LTN1: variants seen among roughly 807,000 people sequenced by gnomAD.
LTN1 encodes listerin E3 ubiquitin protein ligase 1.
LTN1 carries 88 observed loss-of-function variants against 201.2 expected under a neutral mutation model. That is an observed-to-expected ratio of 0.44 (90% CI 0.37 to 0.52). The LOEUF is 0.52. Ranked by LOEUF, LTN1 falls within the 20% of genes least tolerant of loss-of-function variation. The pLI is 0.00. For synonymous variants in LTN1, 645 were observed against 713.5 expected (o/e 0.90, Z 1.53); for missense variants, 1,752 against 2,038.7 (o/e 0.86, Z 2.71).
In LTN1 at chr21:28,945,835, A is replaced by G; in HGVS notation, c.3740T>C (p.Ile1247Thr). ...SPLAESEWDF[I>T]MCSMLAWLET... ...CAACCAAGCCAACATGGAGCACATG[A>G]TGAAGTCCCACTCACTCTCTGCCAA... Residue 1247 changes from isoleucine to threonine, a missense_variant, in exon 21 of 30, where the codon ATC becomes ACC. This residue lies in a region of LTN1 where 1,211 missense variants were observed against 1,312.8 expected (regional missense o/e 0.92). Transcript: ENST00000361371. 2 of 1,613,746 alleles carry G rather than the reference A, an allele frequency of 1.2e-6. No individual in the cohort carries two copies. Among genetic ancestry groups the G allele is most frequent in the Non-Finnish European group, 1.7e-6 (2 of 1,179,780 alleles).
chr21:28,965,785 T>C (rs2084516264), intron 11 of LTN1, 80 bp downstream of exon 11: 18 of 767,904 alleles, frequency 2.3e-5, no homozygotes, highest in Non-Finnish European at 3.8e-5. Context: ...ACCATATTTA[T>C]TGTGTAAATA....
intron 13 of LTN1, 129 bp downstream of exon 13, chr21:28,959,329 C>A: frequency 2.8e-6 from 3 of 1,059,634 alleles, no homozygotes; most frequent in Non-Finnish European, 4.1e-6. Context: ...AAGACTGTAG[C>A]CCTTTACTCA....
At chr21:28,941,666 C>G (rs1036356078) in intron 24 of LTN1, among the ~76,000 whole-genome samples, 1 of 152,100 alleles carries the variant, frequency 6.6e-6, no homozygotes, top group African/African-American at 2.4e-5. Context: ...AAATCACACA[C>G]CCAGAGAAGC....
At position 28,960,504 on chromosome 21, in the gene LTN1, A is replaced by G. The variant is rs553271038; in HGVS notation, c.2353+13T>C. ...TATTCCCCATTAGAAAACAAAAGCC[A>G]TATTTGTCCTACCATTTTTAACATG... is the stretch of plus-strand genomic sequence containing the variant. On this transcript the variant is annotated intron_variant, in intron 12 of 29. Transcript: ENST00000361371. 3.8e-5 allele frequency: 61 copies of G among 1,602,146 alleles called. No individual in the cohort carries two copies. The South Asian group carries it at 6.2e-4, about 16-fold the overall frequency.
intron 25 of LTN1, among the ~76,000 whole-genome samples, chr21:28,937,477 G>T (rs958877549): frequency 6.6e-6 from 1 of 152,124 alleles, no homozygotes; most frequent in East Asian, 1.9e-4. Context: ...ATGTACTAGG[G>T]TAAGTGGGGT....
At position 28,947,616 on chromosome 21, in the gene LTN1, GAA is replaced by G; in HGVS notation, c.3345-12_3345-11del. On this transcript the variant is annotated splice_polypyrimidine_tract_variant and intron_variant, in intron 18 of 29. Coordinates refer to ENST00000361371, the MANE Select transcript of LTN1 (RefSeq NM_015565.3). Reference sequence around the variant, plus strand: ...AGTTAGTGGAAAAAAACTGTTTAAAGAAAAAAAAAACACAAGTTAGATTTCTT... The same window carrying G: ...AGTTAGTGGAAAAAAACTGTTTAAAGAAAAAAAACACAAGTTAGATTTCTT... The G allele has an allele frequency of 5.1e-6, 7 of 1,371,148 alleles. No homozygotes were observed. Among genetic ancestry groups the G allele is most frequent in the South Asian group, 1.5e-5 (1 of 65,564 alleles). 84.9% of individuals were successfully genotyped at this position (1,371,148 alleles called of 1,614,324 possible). A position where few individuals can be genotyped will look rare whatever the true frequency, so the allele number is the denominator to read the frequency against.
chr21:28,934,601 C>T (rs950217567), intron 27 of LTN1, among the ~76,000 whole-genome samples: 1 of 152,112 alleles, frequency 6.6e-6, no homozygotes, highest in East Asian at 1.9e-4. Context: ...ATTACTGGCG[C>T]CCGCCACCAC....
At chr21:28,946,120 G>T (rs753010352) in intron 20 of LTN1, 32 bp downstream of exon 20, 2 of 1,546,698 alleles carry the variant, frequency 1.3e-6, no homozygotes, top group South Asian at 1.2e-5. Context: ...ATTGTATACT[G>T]AAGGAAAAAC....
At chr21:28,957,502 T>A (rs779813191) in intron 14 of LTN1, 26 bp from the exon 15 acceptor site, 4 of 1,508,644 alleles carry the variant, frequency 2.7e-6, no homozygotes, top group Non-Finnish European at 3.5e-6. Context: ...AGAACTTAAC[T>A]GTTGTAGTTA....
Position 28,960,704 on chromosome 21 carries a change from T to C in LTN1, c.2166A>G (p.Ala722=). 1 of 1,606,892 alleles carries C rather than the reference T, an allele frequency of 6.2e-7. No homozygotes were observed. Among genetic ancestry groups the C allele is most frequent in the Non-Finnish European group, 8.5e-7 (1 of 1,176,050 alleles). Residue 722 remains alanine, a splice_region_variant and synonymous_variant, in exon 12 of 30, where the codon GCA becomes GCG. Coordinates refer to ENST00000361371, the MANE Select transcript of LTN1 (RefSeq NM_015565.3). ...WNSLLKIIEK[A]CPSSDKHALV... ...AAGCATGTTTATCTGAACTAGGACATGCCTAAAACCATAAAATTAAAGCAA... is the reference window on the plus strand; with the variant it reads ...AAGCATGTTTATCTGAACTAGGACACGCCTAAAACCATAAAATTAAAGCAA...
At chr21:28,973,202 G>T (rs1030431103) in intron 6 of LTN1, among the ~76,000 whole-genome samples, 8 of 151,726 alleles carry the variant, frequency 5.3e-5, no homozygotes, top group Non-Finnish European at 1.2e-4. Context: ...ACAAAAATTA[G>T]CCAGGCATGG....
chr21:28,973,828 T>C (rs1050947636), intron 6 of LTN1, among the ~76,000 whole-genome samples: 1 of 152,180 alleles, frequency 6.6e-6, no homozygotes, highest in Non-Finnish European at 1.5e-5. Flanking sequence ...GGTGTAAGGA[T>C]AGACATACAG....
chr21:28,958,338 C>T (rs1452135067), intron 14 of LTN1, 48 bp downstream of exon 14: 1 of 1,538,360 alleles, frequency 6.5e-7, no homozygotes, highest in Admixed American at 2.1e-5. Flanking sequence ...TTTAAGGACA[C>T]TGTTCAAGTA....
chr21:28,988,645 AT>A (rs889788014), intron 1 of LTN1, among the ~76,000 whole-genome samples: 116 of 146,194 alleles, frequency 7.9e-4, no homozygotes, highest in East Asian at 2.6e-3. Context: ...AAGGTTCTCT[AT>A]TTTTTTTTTT....
chr21:28,928,778 T>A lies in LTN1; in HGVS notation c.*1670A>T, dbSNP rs1601155316. The A allele has an allele frequency of 6.6e-6, 1 of 152,312 alleles. No individual in the cohort carries two copies. The highest frequency in any genetic ancestry group is 2.1e-4 in the South Asian group (1 of 4,834). The allele number at this position is 152,312 out of a possible 1,614,324, so 9.4% of individuals were successfully genotyped here. ...AATGCTCCATTATTCCATTTTCTTT[T>A]CTGCTTGGGGTTTGGGCCAGAAGCC... On this transcript the variant is annotated 3_prime_UTR_variant, in exon 30 of 30. Coordinates refer to ENST00000361371, the MANE Select transcript of LTN1 (RefSeq NM_015565.3).
chr21:28,992,759 C>T lies in LTN1; in HGVS notation c.42+5G>A. ...CCCGGGTCGGCCGAGCCAGCCCCCG[C>T]TCACCCTCAGGTTCCCTTTAGTTCG... On this transcript the variant is annotated splice_donor_5th_base_variant and intron_variant, in intron 1 of 29. Transcript: ENST00000361371. The T allele has an allele frequency of 6.2e-7, 1 of 1,614,166 alleles. No homozygotes were observed. Among genetic ancestry groups the T allele is most frequent in the Non-Finnish European group, 8.5e-7 (1 of 1,180,004 alleles).
chr21:28,958,924 G>T (rs1279542998), intron 13 of LTN1, among the ~76,000 whole-genome samples: 1 of 151,868 alleles, frequency 6.6e-6, no homozygotes, highest in Middle Eastern at 3.2e-3. Flanking sequence ...AGAGAAAGAG[G>T]AAGGAAGAAG....
intron 22 of LTN1, 59 bp downstream of exon 22, chr21:28,944,324 A>G: frequency 1.4e-6 from 2 of 1,396,212 alleles, no homozygotes; most frequent in Non-Finnish European, 1.0e-6. Context: ...TTGCTTTTGA[A>G]TTTTTCAGTA....
chr21:28,982,207 ACT>A (rs889611736), intron 5 of LTN1, 107 bp downstream of exon 5: 7 of 895,014 alleles, frequency 7.8e-6, no homozygotes, highest in South Asian at 1.5e-5. Flanking sequence ...ACAGAGTGAG[ACT>A]CTGTCTCAAA....
Sources: allele counts gnomAD v4.1 joint callset (sites outside exome capture counted in the v4.1 genomes callset), GRCh38; gene constraint gnomAD v4.1.1; regional missense constraint gnomAD v4.1.1; transcripts MANE v1.5; gene names NCBI Gene and HGNC (gene_info 2026-07-23, HGNC 2026-07-21).